PNPLA7: variants seen among roughly 807,000 people sequenced by gnomAD.
PNPLA7 encodes the protein patatin like domain 7, lysophospholipase.
In PNPLA7, 153 loss-of-function variants were observed where a neutral mutation model predicts 161.7. That is an observed-to-expected ratio of 0.95 (90% CI 0.83 to 1.08). The LOEUF is 1.08. PNPLA7 is among the 50% of genes least tolerant of loss of function. The probability of loss-of-function intolerance (pLI) is 0.00; values close to 1 mark genes in which losing one functional copy is unlikely to be tolerated. For synonymous variants in PNPLA7, 809 were observed against 782.1 expected (o/e 1.03, Z -0.57); for missense variants, 1,739 against 1,856.6 (o/e 0.94, Z 1.16).
rs779124821 is a variant in PNPLA7 at position 137,467,768 on chromosome 9, C to T, written c.2883-295G>A. On this transcript the variant is annotated intron_variant, in intron 25 of 34. Transcript: ENST00000406427. The surrounding 1 kb of genome is among the most constrained non-coding windows in gnomAD (Gnocchi z 5.1). ...CTAAAATTAGCCAGGCGTGGTGGTGCGCGCCTGTAATCCCAGCTACTCGGG... is the reference window on the plus strand; with the variant it reads ...CTAAAATTAGCCAGGCGTGGTGGTGTGCGCCTGTAATCCCAGCTACTCGGG... Among the ~76,000 whole-genome samples, 43 of 152,200 alleles carry T rather than the reference C, an allele frequency of 2.8e-4. No individual in the cohort carries two copies. The highest frequency in any genetic ancestry group is 6.8e-3 in the Middle Eastern group (2 of 294).
intron 12 of PNPLA7, chr9:137,508,753 C>T (rs1342804546): frequency 2.0e-5 from 3 of 152,028 alleles, no homozygotes; most frequent in Non-Finnish European, 4.4e-5. Context: ...AATTAGATCC[C>T]ATTAAGTTTA....
intron 20 of PNPLA7, chr9:137,492,098 G>A: frequency 1.0e-6 from 1 of 985,412 alleles, no homozygotes; most frequent in African/African-American, 1.7e-5. Flanking sequence ...CAGAGTCCTT[G>A]AGTATGTGGG....
Position 137,540,608 on chromosome 9 carries a change from G to T in PNPLA7, c.747+34C>A. ...AACCAGGCCTCCGGGGCCAACCCAG[G>T]GGCGCCCGGAGGGCCAGGCAGCGGG... On this transcript the variant is annotated intron_variant, in intron 8 of 34. Transcript: ENST00000406427. The surrounding 1 kb of genome is among the most constrained non-coding windows in gnomAD (Gnocchi z 5.1). 6.3e-7 allele frequency: 1 copy of T among 1,577,992 alleles called. No individual in the cohort carries two copies.
At chr9:137,464,030 A>G (rs1831345034) in intron 28 of PNPLA7, 96 bp downstream of exon 28, 2 of 1,336,076 alleles carry the variant, frequency 1.5e-6, no homozygotes, top group Non-Finnish European at 2.1e-6. Flanking sequence ...ATCCTTCAGG[A>G]GACCCCGCGG....
intron 33 of PNPLA7, chr9:137,460,988 C>A (rs571017088): frequency 3.9e-5 from 19 of 491,634 alleles, no homozygotes; most frequent in Non-Finnish European, 7.1e-5. Context: ...GACACTCCTC[C>A]CCTTGTCAGC....
Position 137,524,869 on chromosome 9 carries a change from G to A in PNPLA7, c.748-2012C>T, listed in dbSNP as rs554011482. ...TTTCCTTGGATGCCCCGTGGAATGA[G>A]TTTCCGTGGATGCCTGTCTTCACCA... On this transcript the variant is annotated intron_variant, in intron 8 of 34. Transcript: ENST00000406427. This position sits in a 1 kb window ranked among gnomAD's most constrained non-coding sequence, Gnocchi z 4.4. Among the ~76,000 whole-genome samples, 1 of 152,286 alleles carries A rather than the reference G, an allele frequency of 6.6e-6. No homozygotes were observed. The highest frequency in any genetic ancestry group is 1.9e-4 in the East Asian group (1 of 5,190).
chr9:137,481,090 G>A (rs1178578657), intron 21 of PNPLA7, 67 bp from the exon 22 acceptor site: 17 of 1,506,186 alleles, frequency 1.1e-5, no homozygotes, highest in African/African-American at 2.8e-5. Context: ...ACAAGGCACC[G>A]ACACCCAGCA....
intron 9 of PNPLA7, 71 bp from the exon 10 acceptor site, chr9:137,521,787 C>A: frequency 7.3e-7 from 1 of 1,378,382 alleles, no homozygotes; most frequent in Non-Finnish European, 1.0e-6. Context: ...CAGCACCACA[C>A]AGAGCACTGA....
intron 8 of PNPLA7, among the ~76,000 whole-genome samples, chr9:137,536,601 AT>A (rs759059628): frequency 1.4e-4 from 22 of 152,242 alleles, no homozygotes; most frequent in Non-Finnish European, 2.4e-4. Flanking sequence ...ACAACTGTTA[AT>A]TCCAAGAAAA....
chr9:137,462,920 G>A (rs913364866), intron 29 of PNPLA7, 87 bp from the exon 30 acceptor site: 31 of 1,529,072 alleles, frequency 2.0e-5, no homozygotes, highest in East Asian at 9.1e-5. Flanking sequence ...GAGCCCTGAC[G>A]TGGGGGTTGT....
At chr9:137,506,602 G>A (rs1160255116) in intron 12 of PNPLA7, among the ~76,000 whole-genome samples, 1 of 152,160 alleles carries the variant, frequency 6.6e-6, no homozygotes, top group Non-Finnish European at 1.5e-5. Context: ...GCTCTTCGCA[G>A]TCCAGCCCCA....
intron 14 of PNPLA7, among the ~76,000 whole-genome samples, chr9:137,502,773 C>G (rs1350211213): frequency 9.6e-6 from 1 of 104,216 alleles, no homozygotes; most frequent in Admixed American, 1.0e-4. Flanking sequence ...GTGACATGGA[C>G]GAGGCCGCTG....
At position 137,500,857 on chromosome 9, in the gene PNPLA7, C is replaced by T. The variant is rs752365025; in HGVS notation, c.1591G>A (p.Val531Met). Residue 531 changes from valine (V) to methionine (M), a missense_variant, in exon 16 of 35, where the codon GTG (valine) becomes ATG (methionine). By Grantham distance (21) the Val-to-Met change is conservative. Around this residue, in one of 6 missense-constraint regions of PNPLA7, gnomAD observed 481 missense variants for 450.0 expected, o/e 1.07. Coordinates refer to ENST00000406427, the MANE Select transcript of PNPLA7 (RefSeq NM_001098537.3). This position sits in a 1 kb window ranked among gnomAD's most constrained non-coding sequence, Gnocchi z 5.5. The part of the protein sequence containing the change: ...ILFVVSGLLH[V>M]YQRKIGSQED... ...TGGCTGCCGATCTTCCGCTGGTACA[C>T]GTGCAGCAGCCCCGAGACCACGAAC... 5.5e-5 allele frequency: 87 copies of T among 1,591,600 alleles called. No individual in the cohort carries two copies. The highest frequency in any genetic ancestry group is 3.4e-4 in the Admixed American group (19 of 55,798).
rs1162546437 is a variant in PNPLA7, at chr9:137,515,460, G to A, written c.1144C>T (p.Pro382Ser). The A allele has an allele frequency of 6.3e-7, 1 of 1,589,262 alleles. No homozygotes were observed. The highest frequency in any genetic ancestry group is 1.8e-5 in the Admixed American group (1 of 55,800). The change falls in exon 12 of 35, where the codon CCC (proline) becomes TCC (serine). Residue 382 changes from proline (P) to serine (S), a missense_variant. Coordinates refer to ENST00000406427, the MANE Select transcript of PNPLA7 (RefSeq NM_001098537.3). ...ATCTGTTTGCGAATGGAAGGCGCGG[G>A]GACGGAGTGGCTCCTCTTCAGCAGG... ...GPLLKRSHSV[P>S]APSIRKQILE...
chr9:137,461,882 A>G (rs897287030), intron 32 of PNPLA7, 49 bp downstream of exon 32: 7 of 1,449,790 alleles, frequency 4.8e-6, no homozygotes, highest in Non-Finnish European at 5.5e-6. Flanking sequence ...GGCCCGAAGA[A>G]CTGGGCGCGG....
At chr9:137,504,606 C>T (rs894081579) in intron 14 of PNPLA7, among the ~76,000 whole-genome samples, 2 of 152,236 alleles carry the variant, frequency 1.3e-5, no homozygotes, top group African/African-American at 4.8e-5. Flanking sequence ...GAGAACCACT[C>T]ATGACACAGT....
rs73569746 is a variant in PNPLA7 at position 137,541,718 on chromosome 9, G to T, written c.666+924C>A. ...GGCCCAGCACCCACCCCCGAGCAGC[G>T]ATTCAAAGGGTGGAATTTAACAGAG... On this transcript the variant is annotated intron_variant, in intron 7 of 34. Transcript: ENST00000406427. The surrounding 1 kb of genome is among the most constrained non-coding windows in gnomAD (Gnocchi z 4.4). Among the ~76,000 whole-genome samples, 599 of 152,314 alleles carry T rather than the reference G, an allele frequency of 3.9e-3. 1 individual carries two copies. Among genetic ancestry groups the T allele is most frequent in the African/African-American group, 0.013 (560 of 41,578 alleles).
chr9:137,460,698 A>G lies in PNPLA7; in HGVS notation c.3881T>C (p.Leu1294Pro). The G allele has an allele frequency of 6.2e-7, 1 of 1,612,852 alleles. No individual in the cohort carries two copies. The highest frequency in any genetic ancestry group is 8.5e-7 in the Non-Finnish European group (1 of 1,179,920). Reference protein sequence around the residue: ...DYQTEYEEELLDVPRDAYADF... With the variant: ...DYQTEYEEELPDVPRDAYADF... ...TGCGTATGCATCCCTGGGGACGTCCAGCAGCTCCTCCTCGTACTCCGTCTG... is the reference window on the plus strand; with the variant it reads ...TGCGTATGCATCCCTGGGGACGTCCGGCAGCTCCTCCTCGTACTCCGTCTG... Residue 1294 changes from leucine to proline, a missense_variant, in exon 34 of 35, where the codon CTG becomes CCG. Leu to Pro is a moderately conservative substitution (Grantham distance 98). Transcript: ENST00000406427.
chr9:137,473,300 C>T (rs1831797858), intron 25 of PNPLA7, among the ~76,000 whole-genome samples: 1 of 152,096 alleles, frequency 6.6e-6, no homozygotes, highest in Non-Finnish European at 1.5e-5. Flanking sequence ...AGTGAACTCC[C>T]ACCTCACACC....
Sources: allele counts gnomAD v4.1 joint callset (sites outside exome capture counted in the v4.1 genomes callset), GRCh38; gene constraint gnomAD v4.1.1; regional missense constraint gnomAD v4.1.1; non-coding constraint Gnocchi (gnomAD v3.1); transcripts MANE v1.5; gene names NCBI Gene and HGNC (gene_info 2026-07-23, HGNC 2026-07-21).